Variants in FBXO17 observed in about 807,000 individuals in gnomAD.
FBXO17 encodes F-box protein 17.
FBXO17 carries 43 observed loss-of-function variants against 34.1 expected under a neutral mutation model. That is an observed-to-expected ratio of 1.26 (90% CI 0.99 to 1.62). The LOEUF is 1.62. Among genes scored for constraint, FBXO17 ranks in the 40% most tolerant of loss-of-function variants. The pLI is 0.00. For missense variants in FBXO17, 424 were observed against 386.7 expected (o/e 1.10, Z -0.81); for synonymous variants, 169 against 166.0 (o/e 1.02, Z -0.14).
intron 1 of FBXO17, among the ~76,000 whole-genome samples, chr19:38,972,343 G>A (rs1464928296): frequency 5.9e-5 from 9 of 152,048 alleles, no homozygotes; most frequent in Admixed American, 5.2e-4. Flanking sequence ...TCAGGAGTTC[G>A]AGACCAGCCT....
chr19:38,948,580 C>G lies in FBXO17; in HGVS notation c.448G>C (p.Val150Leu). 1 of 1,613,802 alleles carries G rather than the reference C, an allele frequency of 6.2e-7. No individual in the cohort carries two copies. The highest frequency in any genetic ancestry group is 8.5e-7 in the Non-Finnish European group (1 of 1,179,824). Residue 150 changes from valine (V) to leucine (L), a missense_variant, in exon 3 of 6, where the codon GTG (valine) becomes CTG (leucine). Coordinates refer to ENST00000292852, the MANE Select transcript of FBXO17 (RefSeq NM_024907.7). ...TGGGCCACTCACTCGAAAGAGGTCA[C>G]GAAGCAGGTCTGCGAAGGAGCCCCA... Reference protein sequence around the residue: ...VPGAPSQTCFVTSFEWCSKRQ... With the variant: ...VPGAPSQTCFLTSFEWCSKRQ...
chr19:38,974,193 T>A (rs914092734), intron 1 of FBXO17, among the ~76,000 whole-genome samples: 1 of 151,514 alleles, frequency 6.6e-6, no homozygotes, highest in African/African-American at 2.4e-5. Flanking sequence ...GCGATTCTCC[T>A]TCCTCAGCCT....
intron 1 of FBXO17, chr19:38,952,550 C>T (rs1179057852): frequency 3.7e-6 from 2 of 534,416 alleles, no homozygotes; most frequent in Non-Finnish European, 7.7e-6. Flanking sequence ...CCCAAAACCC[C>T]CAGCGATGAA....
intron 1 of FBXO17, among the ~76,000 whole-genome samples, chr19:38,968,386 C>T (rs369462634): frequency 5.3e-5 from 8 of 150,758 alleles, no homozygotes; most frequent in African/African-American, 9.8e-5. Flanking sequence ...TTTGGGAGGC[C>T]GAGGTAGGAG....
chr19:38,969,198 C>T (rs1000288286), intron 1 of FBXO17, among the ~76,000 whole-genome samples: 13 of 152,062 alleles, frequency 8.5e-5, no homozygotes, highest in Non-Finnish European at 1.3e-4. Context: ...CCTGTAATCC[C>T]AGCACTTTGG....
intron 4 of FBXO17, 179 bp from the exon 5 acceptor site, chr19:38,945,283 C>T: frequency 1.3e-6 from 1 of 793,870 alleles, no homozygotes; most frequent in Admixed American, 3.0e-5. Flanking sequence ...GGGGTGGAAC[C>T]AGAGCCTGGC....
Position 38,954,561 on chromosome 19 carries a change from C to T in FBXO17, c.-17-4225G>A, listed in dbSNP as rs367728417. Among the ~76,000 whole-genome samples the T allele has an allele frequency of 2.4e-4, 35 of 143,448 alleles. No individual in the cohort carries two copies. The East Asian group carries it at 2.8e-3, about 11-fold the overall frequency. The allele number at this position is 143,448 out of a possible 152,430, so 94.1% of individuals were successfully genotyped here. On this transcript the variant is annotated intron_variant, in intron 1 of 5. Transcript: ENST00000292852. The stretch of plus-strand genomic sequence containing the variant: ...CTAGGATTACAGGTGTGAGCCACTG[C>T]GCCGGGCCGAGAATGTGTTTTTTTT...
intron 1 of FBXO17, among the ~76,000 whole-genome samples, chr19:38,970,068 G>A (rs1243381046): frequency 6.6e-6 from 1 of 151,716 alleles, no homozygotes; most frequent in Non-Finnish European, 1.5e-5. Context: ...ATACAAATAA[G>A]TCATTAATAA....
Position 38,970,488 on chromosome 19 carries a change from G to A in FBXO17, c.-18+5098C>T, listed in dbSNP as rs141849352. Among the ~76,000 whole-genome samples, 586 of 152,240 alleles carry A rather than the reference G, an allele frequency of 3.8e-3. 10 individuals are homozygous for A. The highest frequency in any genetic ancestry group is 0.013 in the African/African-American group (546 of 41,542). ...CTCCCAAAGTGCTGGGATTATAGGCGTGAGCCACCACGGCTGGCCCTTTCT... is the reference window on the plus strand; with the variant it reads ...CTCCCAAAGTGCTGGGATTATAGGCATGAGCCACCACGGCTGGCCCTTTCT... On this transcript the variant is annotated intron_variant, in intron 1 of 5. Coordinates refer to ENST00000292852, the MANE Select transcript of FBXO17 (RefSeq NM_024907.7).
At chr19:38,963,877 G>A (rs751591077) in intron 1 of FBXO17, among the ~76,000 whole-genome samples, 3 of 150,392 alleles carry the variant, frequency 2.0e-5, no homozygotes, top group East Asian at 2.0e-4. Flanking sequence ...TCCACCTCCC[G>A]GGTTCAAGCA....
chr19:38,957,489 G>GCAC (rs1975183036), intron 1 of FBXO17, among the ~76,000 whole-genome samples: 1 of 152,114 alleles, frequency 6.6e-6, no homozygotes, highest in Non-Finnish European at 1.5e-5. Flanking sequence ...GGGATTACAG[G>GCAC]CACCTGCCAC....
At chr19:38,961,787 G>C (rs1383016295) in intron 1 of FBXO17, among the ~76,000 whole-genome samples, 1 of 151,742 alleles carries the variant, frequency 6.6e-6, no homozygotes, top group Admixed American at 6.6e-5. Context: ...TTCAGCCTCC[G>C]GAGTAGCTGG....
At chr19:38,965,472 C>T (rs1975307923) in intron 1 of FBXO17, among the ~76,000 whole-genome samples, 4 of 151,706 alleles carry the variant, frequency 2.6e-5, no homozygotes, top group South Asian at 2.1e-4. Flanking sequence ...GGACTACAGG[C>T]GCCCACCACC....
At chr19:38,958,414 A>G (rs957989929) in intron 1 of FBXO17, among the ~76,000 whole-genome samples, 5 of 151,260 alleles carry the variant, frequency 3.3e-5, no homozygotes, top group Non-Finnish European at 7.4e-5. Context: ...CTCAAAAAAA[A>G]AAAAAAAAAA....
At chr19:38,961,467 G>A (rs556715026) in intron 1 of FBXO17, among the ~76,000 whole-genome samples, 1 of 151,776 alleles carries the variant, frequency 6.6e-6, no homozygotes, top group South Asian at 2.1e-4. Flanking sequence ...GTAGTGATGG[G>A]ATTTCACATG....
At chr19:38,946,711 T>C (rs773970045) in intron 3 of FBXO17, 144 bp from the exon 4 acceptor site, 16 of 1,158,292 alleles carry the variant, frequency 1.4e-5, no homozygotes, top group Non-Finnish European at 1.9e-5. Context: ...TGAAGATGCA[T>C]GATGGGCTAT....
At chr19:38,952,484 T>C (rs1975099091) in intron 1 of FBXO17, 1 of 528,882 alleles carries the variant, frequency 1.9e-6, no homozygotes. Flanking sequence ...GCCTTCCAAG[T>C]GGGGAGGTCT....
chr19:38,959,273 TTCTTTCTTTC>T (rs1482029164), intron 1 of FBXO17, among the ~76,000 whole-genome samples: 13 of 60,076 alleles, frequency 2.2e-4, no homozygotes, highest in South Asian at 5.3e-4. Flanking sequence ...CTTTCTTTCT[TTCTTTCTTTC>T]TTTTTTTTTT....
At chr19:38,953,281 T>C (rs1975113626) in intron 1 of FBXO17, among the ~76,000 whole-genome samples, 3 of 152,120 alleles carry the variant, frequency 2.0e-5, no homozygotes, top group Non-Finnish European at 4.4e-5. Context: ...TACTCCAGCC[T>C]GGGCAACAAA....
Sources: allele counts gnomAD v4.1 joint callset (sites outside exome capture counted in the v4.1 genomes callset), GRCh38; gene constraint gnomAD v4.1.1; transcripts MANE v1.5; gene names NCBI Gene and HGNC (gene_info 2026-07-23, HGNC 2026-07-21).